DGLUCY: variants seen among roughly 807,000 people sequenced by gnomAD.
The protein encoded by DGLUCY is D-glutamate cyclase, mitochondrial.
In DGLUCY, 58 loss-of-function variants were observed where a neutral mutation model predicts 58.5. That is an observed-to-expected ratio of 0.99 (90% CI 0.80 to 1.23). The LOEUF (loss-of-function observed/expected upper bound fraction) is 1.23. DGLUCY is among the 50% of genes most tolerant of loss of function. The pLI, the probability that DGLUCY is intolerant of heterozygous loss-of-function variation, is 0.00. For synonymous variants in DGLUCY, 325 were observed against 314.1 expected (o/e 1.03, Z -0.37); for missense variants, 779 against 784.7 (o/e 0.99, Z 0.09).
rs747550323 is a variant in DGLUCY at position 91,215,515 on chromosome 14, G to A, written c.1675G>A (p.Gly559Arg). The change falls in exon 13 of 14, where the codon GGA becomes AGA. Residue 559 changes from glycine (G) to arginine (R), a missense_variant. Physicochemically the swap from Gly to Arg is moderately radical, Grantham distance 125 (BLOSUM62 -2). Coordinates refer to ENST00000256324, the MANE Select transcript of DGLUCY (RefSeq NM_001102368.3). ...RKAVGPSRAP[G>R]DQAWTQALPS... ...AGCAGTCGGACCCTCCAGGGCACCT[G>A]GAGATCAGGCCTGGACTCAGGCCCT... The A allele has an allele frequency of 6.2e-7, 1 of 1,614,204 alleles. No individual in the cohort carries two copies. The highest frequency in any genetic ancestry group is 8.5e-7 in the Non-Finnish European group (1 of 1,180,018).
rs1452068194 is a variant in DGLUCY, at chr14:91,189,132, A to C, written c.1157A>C (p.Asn386Thr). 1 of 1,614,132 alleles carries C rather than the reference A, an allele frequency of 6.2e-7. No individual in the cohort carries two copies. Among genetic ancestry groups the C allele is most frequent in the African/African-American group, 1.3e-5 (1 of 74,952 alleles). ...ATAATCGTTGACCAGAGAGCCTGGAACTTGCACCAGAAGATTGTTGAAGAT... is the reference window on the plus strand; with the variant it reads ...ATAATCGTTGACCAGAGAGCCTGGACCTTGCACCAGAAGATTGTTGAAGAT... ...VAIIVDQRAW[N>T]LHQKIVEDAV... Residue 386 changes from asparagine (N) to threonine (T), a missense_variant, in exon 9 of 14, where the codon AAC becomes ACC. Physicochemically the swap from Asn to Thr is moderately conservative, Grantham distance 65. Transcript: ENST00000256324.
At chr14:91,208,144 G>A (rs1885070976) in intron 12 of DGLUCY, among the ~76,000 whole-genome samples, 1 of 152,100 alleles carries the variant, frequency 6.6e-6, no homozygotes, top group Non-Finnish European at 1.5e-5. Flanking sequence ...AAAAATAAAG[G>A]AGAAATAAAG....
At chr14:91,210,425 A>C (rs879485470) in intron 12 of DGLUCY, among the ~76,000 whole-genome samples, 1 of 151,600 alleles carries the variant, frequency 6.6e-6, no homozygotes, top group Non-Finnish European at 1.5e-5. Flanking sequence ...CTAGCCTCTC[A>C]GGAGGCTGAG....
At chr14:91,128,480 C>T (rs955465016) in intron 1 of DGLUCY, among the ~76,000 whole-genome samples, 1 of 151,620 alleles carries the variant, frequency 6.6e-6, no homozygotes, top group African/African-American at 2.4e-5. Context: ...TGTGACAGAG[C>T]GAGACTCTGT....
upstream of DGLUCY, among the ~76,000 whole-genome samples, chr14:91,109,551 A>G (rs1308660627): frequency 6.6e-6 from 1 of 152,174 alleles, no homozygotes; most frequent in Admixed American, 6.5e-5. Context: ...TGCAGGGAAC[A>G]CGGAGGTAAT....
At chr14:91,173,694 G>T (rs996934116) in intron 6 of DGLUCY, 1 of 405,064 alleles carries the variant, frequency 2.5e-6, no homozygotes, top group Non-Finnish European at 4.4e-6. Flanking sequence ...CCTGAACAAG[G>T]CTCAAAGGCT....
At chr14:91,223,381 C>T (rs185907552) in intron 13 of DGLUCY, among the ~76,000 whole-genome samples, 10 of 152,178 alleles carry the variant, frequency 6.6e-5, no homozygotes, top group African/African-American at 1.9e-4. Context: ...TTCTTATAGC[C>T]GCCCTAATGT....
chr14:91,194,801 A>G (rs2050108662), intron 9 of DGLUCY, among the ~76,000 whole-genome samples: 1 of 152,042 alleles, frequency 6.6e-6, no homozygotes, highest in South Asian at 2.1e-4. Flanking sequence ...AGACTCCCAG[A>G]GTGCTGAGAT....
intron 1 of DGLUCY, among the ~76,000 whole-genome samples, chr14:91,085,563 G>GTTTTTTTTTTTT (rs869263434): frequency 8.0e-6 from 1 of 125,688 alleles, no homozygotes. Context: ...TTTTTTTTTT[G>GTTTTTTTTTTTT]TTTTTTTTTT....
intron 1 of DGLUCY, among the ~76,000 whole-genome samples, chr14:91,087,412 C>T (rs969747239): frequency 1.3e-5 from 2 of 152,164 alleles, no homozygotes; most frequent in African/African-American, 4.8e-5. Context: ...CTCTTAGAAG[C>T]AAAATTTATT....
chr14:91,196,149 G>T (rs1225476837), intron 9 of DGLUCY, among the ~76,000 whole-genome samples: 1 of 152,122 alleles, frequency 6.6e-6, no homozygotes, highest in Non-Finnish European at 1.5e-5. Context: ...GGCTGTGTTA[G>T]CCCGATTCTG....
At chr14:91,196,277 G>A (rs1370987697) in intron 9 of DGLUCY, 98 bp from the exon 10 acceptor site, 6 of 866,984 alleles carry the variant, frequency 6.9e-6, no homozygotes, top group Admixed American at 2.1e-5. Context: ...TTCAACAACA[G>A]TAATGATACC....
Position 91,188,938 on chromosome 14 carries a change from T to C in DGLUCY, c.963T>C (p.Cys321=), listed in dbSNP as rs1164618424. 1.2e-6 allele frequency: 2 copies of C among 1,614,206 alleles called. No homozygotes were observed. Among genetic ancestry groups the C allele is most frequent in the Admixed American group, 1.7e-5 (1 of 60,008 alleles). The change falls in exon 9 of 14, where the codon TGT becomes TGC. Residue 321 remains cysteine, a synonymous_variant. Transcript: ENST00000256324. ...ACCGGGGGATTGGGCACCTGCTCTGTAAAGATGAGCTGCTGAAGGCCTCTC... is the reference window on the plus strand; with the variant it reads ...ACCGGGGGATTGGGCACCTGCTCTGCAAAGATGAGCTGCTGAAGGCCTCTC... ...PGNRGIGHLL[C]KDELLKASLS...
intron 13 of DGLUCY, among the ~76,000 whole-genome samples, chr14:91,217,876 T>C (rs1324097205): frequency 2.0e-5 from 3 of 152,324 alleles, no homozygotes; most frequent in Non-Finnish European, 2.9e-5. Flanking sequence ...TCTCTGTGTC[T>C]TTCTCCTTCC....
chr14:91,102,786 T>TGTGTGTGTGTGTGTGTGTGTGTG (rs59480792), intron 1 of DGLUCY, among the ~76,000 whole-genome samples: 5 of 149,916 alleles, frequency 3.3e-5, no homozygotes, highest in East Asian at 2.0e-4. Context: ...TGTGTGTGTG[T>TGTGTGTGTGTGTGTGTGTGTGTG]TTGAGACTGA....
chr14:91,200,202 A>G (rs1342518724), intron 11 of DGLUCY, among the ~76,000 whole-genome samples: 7 of 152,034 alleles, frequency 4.6e-5, no homozygotes, highest in Non-Finnish European at 1.0e-4. Context: ...TGATCTACCC[A>G]CCTCAGCCTC....
chr14:91,223,088 C>A (rs552547984), intron 13 of DGLUCY, among the ~76,000 whole-genome samples: 1 of 152,328 alleles, frequency 6.6e-6, no homozygotes, highest in South Asian at 2.1e-4. Flanking sequence ...GTTCAACATA[C>A]AAAATTTGAG....
At chr14:91,093,550 AGTGGGTGGATTGCTTGAGGCCAAG>A (rs1415166393) in intron 1 of DGLUCY, among the ~76,000 whole-genome samples, 1 of 151,870 alleles carries the variant, frequency 6.6e-6, no homozygotes, top group Non-Finnish European at 1.5e-5. Context: ...GGGAAGCCAA[AGTGGGTGGATTGCTTGAGGCCAAG>A]GTGGGTGGAT....
chr14:91,134,563 G>A (rs572734770), intron 1 of DGLUCY, among the ~76,000 whole-genome samples: 1 of 151,452 alleles, frequency 6.6e-6, no homozygotes, highest in East Asian at 2.0e-4. Flanking sequence ...TCAGCCTCCC[G>A]AGTAGCTGGG....
Sources: gnomAD v4.1 joint callset for allele counts (sites outside exome capture counted in the v4.1 genomes callset) on GRCh38, gnomAD v4.1.1 for gene constraint, MANE v1.5 for transcripts, NCBI Gene and HGNC (gene_info 2026-07-23, HGNC 2026-07-21) for gene names.